The following SART1 variants were observed in gnomAD, a reference collection of about 807,000 sequenced individuals.
SART1 encodes U4/U6.U5 tri-snRNP-associated protein 1.
Under a neutral mutation model 105.0 loss-of-function variants are expected in SART1, and 28 were observed. The observed-to-expected ratio is 0.27, with a 90% CI of 0.20 to 0.37. The LOEUF (loss-of-function observed/expected upper bound fraction) is 0.37. Among genes scored for constraint, SART1 ranks in the 10% least tolerant of loss-of-function variants. The pLI is 1.00. For missense variants in SART1, 894 were observed against 1,106.5 expected, an observed-to-expected ratio of 0.81 and a Z score of 2.72; for synonymous variants, 472 against 462.9, an observed-to-expected ratio of 1.02 and a Z score of -0.25.
intron 12 of SART1, among the ~76,000 whole-genome samples, chr11:65,969,391 AG>A (rs1195717985): frequency 6.6e-6 from 1 of 152,176 alleles, no homozygotes; most frequent in African/African-American, 2.4e-5. Context: ...AATGAACATA[AG>A]GGTTTCTAGC....
rs1319381867 is a variant in SART1 at position 65,976,320 on chromosome 11, A to G, written c.1573-75A>G. 2.8e-6 allele frequency: 4 copies of G among 1,420,462 alleles called. No homozygotes were observed. The highest frequency in any genetic ancestry group is 3.7e-6 in the Non-Finnish European group (4 of 1,077,992). 88.0% of individuals were successfully genotyped at this position (1,420,462 alleles called of 1,614,324 possible). A position where few individuals can be genotyped will look rare whatever the true frequency, so the allele number is the denominator to read the frequency against. On this transcript the variant is annotated intron_variant, in intron 12 of 19. Coordinates refer to ENST00000312397, the MANE Select transcript of SART1 (RefSeq NM_005146.5). This position sits in a 1 kb window ranked among gnomAD's most constrained non-coding sequence, Gnocchi z 5.1. ...GCCTGTCTGGCTGCTGCCAGGGAGG[A>G]CCCTTAGGTTCCTGGGTCTCAATGG...
intron 12 of SART1, among the ~76,000 whole-genome samples, chr11:65,968,542 G>A (rs865805942): frequency 1.3e-5 from 2 of 152,158 alleles, no homozygotes; most frequent in African/African-American, 4.8e-5. Context: ...CCAAGATAAC[G>A]TGCCGGGGGT....
chr11:65,965,822 T>C (rs1855240711), intron 6 of SART1, 43 bp downstream of exon 6: 1 of 1,613,270 alleles, frequency 6.2e-7, no homozygotes, highest in East Asian at 2.2e-5. Context: ...CTGGTGGCCT[T>C]GCTACCGGAA....
Position 65,966,069 on chromosome 11 carries a change from C to T in SART1, c.839-7C>T, listed in dbSNP as rs748638105. The T allele has an allele frequency of 1.6e-5, 26 of 1,613,604 alleles. No individual in the cohort carries two copies. In the East Asian group the frequency reaches 5.6e-4, roughly 35 times the overall value. On this transcript the variant is annotated splice_region_variant and splice_polypyrimidine_tract_variant and intron_variant, in intron 7 of 19. Transcript: ENST00000312397. Reference sequence around the variant, plus strand: ...TGTGAATGGCCACTGCTCTGTGCTGCCCCCAGGCGTGCTGCAGGAGGAGGA... The same window carrying T: ...TGTGAATGGCCACTGCTCTGTGCTGTCCCCAGGCGTGCTGCAGGAGGAGGA...
Position 65,976,648 on chromosome 11 carries a change from T to C in SART1, c.1747-8T>C, listed in dbSNP as rs775720254. ...GGCCTGGGCCGACCCTGGTCTTTTG[T>C]GCCCCAGGACTTTGAACGGGATGAG... On this transcript the variant is annotated splice_polypyrimidine_tract_variant and splice_region_variant and intron_variant, in intron 13 of 19. Coordinates refer to ENST00000312397, the MANE Select transcript of SART1 (RefSeq NM_005146.5). This position sits in a 1 kb window ranked among gnomAD's most constrained non-coding sequence, Gnocchi z 5.1. 1 of 1,613,476 alleles carries C rather than the reference T, an allele frequency of 6.2e-7. No individual in the cohort carries two copies. The highest frequency in any genetic ancestry group is 1.3e-5 in the African/African-American group (1 of 74,928).
At chr11:65,966,023 C>G (rs180938697) in intron 7 of SART1, 37 bp downstream of exon 7, 97 of 1,613,822 alleles carry the variant, frequency 6.0e-5, no homozygotes, top group Non-Finnish European at 8.0e-5. Context: ...GGGGCACAGC[C>G]TCTGCTGAGT....
In SART1 at chr11:65,976,673, G is replaced by C. The variant is rs1268069351; in HGVS notation, c.1764G>C (p.Glu588Asp). 6.2e-7 allele frequency: 1 copy of C among 1,613,670 alleles called. No homozygotes were observed. Among genetic ancestry groups the C allele is most frequent in the Non-Finnish European group, 8.5e-7 (1 of 1,179,934 alleles). The change falls in exon 14 of 20, where the codon GAG becomes GAC. Residue 588 changes from glutamate to aspartate, a missense_variant. Around this residue, in one of 2 missense-constraint regions of SART1, gnomAD observed 182 missense variants for 328.3 expected, o/e 0.55. Transcript: ENST00000312397. The surrounding 1 kb of genome is among the most constrained non-coding windows in gnomAD (Gnocchi z 5.1). Reference protein sequence around the residue: ...QEELMDFERDEERSANGGSES... With the variant: ...QEELMDFERDDERSANGGSES... ...TGCCCCAGGACTTTGAACGGGATGA[G>C]GAGCGCTCAGCCAACGGTGGCTCCG...
chr11:65,967,204 T>A, intron 9 of SART1, 55 bp from the exon 10 acceptor site: 1 of 1,596,428 alleles, frequency 6.3e-7, no homozygotes, highest in Non-Finnish European at 8.5e-7. Flanking sequence ...CGAGGGCTTG[T>A]GGCGACCTGC....
chr11:65,967,494 G>T lies in SART1; in HGVS notation c.1337G>T (p.Arg446Leu). ...GSRLRGRGRR[R>L]VSEVEEEKEP... is the part of the protein sequence containing the mutation. Reference sequence around the variant, plus strand: ...AGACTGCGGGGACGGGGTCGCCGCCGAGTGTCCGAAGTGGAGGAGGAGAAG... The same window carrying T: ...AGACTGCGGGGACGGGGTCGCCGCCTAGTGTCCGAAGTGGAGGAGGAGAAG... Residue 446 changes from arginine to leucine, a missense_variant, in exon 11 of 20, where the codon CGA becomes CTA. Coordinates refer to ENST00000312397, the MANE Select transcript of SART1 (RefSeq NM_005146.5). The T allele has an allele frequency of 6.2e-7, 1 of 1,613,172 alleles. No individual in the cohort carries two copies. The highest frequency in any genetic ancestry group is 8.5e-7 in the Non-Finnish European group (1 of 1,179,926).
rs1389894104 is a variant in SART1, at chr11:65,965,375, G to C, written c.588G>C (p.Trp196Cys). The C allele has an allele frequency of 6.3e-7, 1 of 1,587,610 alleles. No homozygotes were observed. The highest frequency in any genetic ancestry group is 1.3e-5 in the African/African-American group (1 of 74,282). ...AGACCCTAGGAGAGGATGACCCCTG[G>C]CTGGACGACACTGCAGCCTGGATCG... ...KIKTLGEDDPWLDDTAAWIER... is the reference protein window; with the variant it reads ...KIKTLGEDDPCLDDTAAWIER... Residue 196 changes from tryptophan to cysteine, a missense_variant, in exon 5 of 20, where the codon TGG (tryptophan) becomes TGC (cysteine). By Grantham distance (215) the Trp-to-Cys change is radical. This residue lies in a region of SART1 where 712 missense variants were observed against 778.2 expected (regional missense o/e 0.91). Coordinates refer to ENST00000312397, the MANE Select transcript of SART1 (RefSeq NM_005146.5).
At chr11:65,963,727 G>A (rs898243546) in intron 1 of SART1, among the ~76,000 whole-genome samples, 37 of 152,132 alleles carry the variant, frequency 2.4e-4, no homozygotes, top group Admixed American at 2.3e-3. Context: ...TGATCCATCT[G>A]CCTCGGCCTC....
chr11:65,963,780 C>T (rs1018216804), intron 1 of SART1, among the ~76,000 whole-genome samples: 2 of 152,150 alleles, frequency 1.3e-5, no homozygotes, highest in African/African-American at 2.4e-5. Context: ...ATACCCGGCC[C>T]AGACCTTGTC....
chr11:65,970,371 C>T (rs1855348710), intron 12 of SART1, among the ~76,000 whole-genome samples: 1 of 152,188 alleles, frequency 6.6e-6, no homozygotes, highest in African/African-American at 2.4e-5. Flanking sequence ...AGCATCCAAT[C>T]AAGTTTCCCA....
chr11:65,973,760 C>T (rs185422016), intron 12 of SART1, among the ~76,000 whole-genome samples: 35 of 152,314 alleles, frequency 2.3e-4, no homozygotes, highest in African/African-American at 7.5e-4. Context: ...ATCCAGCTCA[C>T]GGGCTGTGAT....
intron 9 of SART1, 25 bp downstream of exon 9, chr11:65,966,581 C>T (rs953201254): frequency 2.1e-5 from 31 of 1,471,508 alleles, no homozygotes; most frequent in South Asian, 5.6e-5. Context: ...GCCTTATACT[C>T]GGGGTCAAGA....
chr11:65,966,424 G>A lies in SART1; in HGVS notation c.1056G>A (p.Glu352=). 1 of 1,613,866 alleles carries A rather than the reference G, an allele frequency of 6.2e-7. No homozygotes were observed. The highest frequency in any genetic ancestry group is 8.5e-7 in the Non-Finnish European group (1 of 1,180,028). ...EGERPHSFRL[E]QGGTADGLRE... ...AGCGGCCACATTCCTTCCGCTTGGA[G>A]CAGGGCGGCACGGCTGATGGCCTGC... The change falls in exon 9 of 20, where the codon GAG becomes GAA. Residue 352 remains glutamate, a synonymous_variant. Transcript: ENST00000312397.
Position 65,965,156 on chromosome 11 carries a change from A to C in SART1, c.492A>C (p.Arg164=). 1.9e-6 allele frequency: 3 copies of C among 1,603,458 alleles called. No homozygotes were observed. The highest frequency in any genetic ancestry group is 3.4e-4 in the Middle Eastern group (2 of 5,914). ...TCAACCCTATGGCCTTGCGACAGCG[A>C]GAGGAGCTGCGGGAGAAGCTGGCGG... ...DVINPMALRQ[R]EELREKLAAA... is the part of the protein sequence containing the mutation. The change falls in exon 4 of 20, where the codon CGA becomes CGC. Residue 164 remains arginine, a synonymous_variant. Coordinates refer to ENST00000312397, the MANE Select transcript of SART1 (RefSeq NM_005146.5).
rs1200158665 is a variant in SART1, at chr11:65,976,504, G to A, written c.1682G>A (p.Arg561His). Reference protein sequence around the residue: ...IVFNATSEFCRTLGEIPTYGL... With the variant: ...IVFNATSEFCHTLGEIPTYGL... ...TTCAACGCCACGTCCGAGTTCTGCC[G>A]CACCTTGGGGGAGATCCCCACCTAC... Residue 561 changes from arginine (R) to histidine (H), a missense_variant, in exon 13 of 20, where the codon CGC becomes CAC. By Grantham distance (29) the Arg-to-His change is conservative. This residue lies in a region of SART1 where 712 missense variants were observed against 778.2 expected (regional missense o/e 0.91). Transcript: ENST00000312397. The surrounding 1 kb of genome is among the most constrained non-coding windows in gnomAD (Gnocchi z 5.1). 1.9e-6 allele frequency: 3 copies of A among 1,589,220 alleles called. No individual in the cohort carries two copies. The highest frequency in any genetic ancestry group is 1.8e-5 in the Admixed American group (1 of 56,356).
intron 12 of SART1, among the ~76,000 whole-genome samples, chr11:65,974,574 G>A (rs1855446058): frequency 1.3e-5 from 2 of 151,978 alleles, no homozygotes; most frequent in Admixed American, 1.3e-4. Context: ...AGCTACTTAG[G>A]AGGCTGAGGG....
Sources: allele counts gnomAD v4.1 joint callset (sites outside exome capture counted in the v4.1 genomes callset), GRCh38; gene constraint gnomAD v4.1.1; regional missense constraint gnomAD v4.1.1; non-coding constraint Gnocchi (gnomAD v3.1); transcripts MANE v1.5; gene names NCBI Gene and HGNC (gene_info 2026-07-23, HGNC 2026-07-21).